PAX8: variants seen among roughly 807,000 people sequenced by gnomAD.
PAX8 encodes the protein paired box 8.
Under a neutral mutation model 52.4 loss-of-function variants are expected in PAX8, and 15 were observed. That is an observed-to-expected ratio of 0.29 (90% CI 0.19 to 0.44). PAX8 has a LOEUF of 0.44. PAX8 is among the 20% of genes least tolerant of loss of function. The pLI is 1.00. For missense variants in PAX8, 554 were observed against 602.5 expected (o/e 0.92, Z 0.84); for synonymous variants, 284 against 249.7 (o/e 1.14, Z -1.29).
chr2:113,246,828 G>T lies in PAX8; in HGVS notation c.117C>A (p.His39Gln), dbSNP rs745371541. The T allele has an allele frequency of 9.9e-6, 16 of 1,614,114 alleles. No individual in the cohort carries two copies. The African/African-American group carries it at 1.6e-4, about 16-fold the overall frequency. Residue 39 changes from histidine (H) to glutamine (Q), a missense_variant, in exon 3 of 12, where the codon CAC becomes CAA. His to Gln is a conservative substitution (Grantham distance 24). Coordinates refer to ENST00000429538, the MANE Select transcript of PAX8 (RefSeq NM_003466.4). ...VVRQRIVDLAHQGVRPCDISR... is the reference protein window; with the variant it reads ...VVRQRIVDLAQQGVRPCDISR... The stretch of plus-strand genomic sequence containing the variant: ...AGATGTCGCAGGGCCTTACACCCTG[G>T]TGGGCCAGGTCTACGATGCGCTGGC...
intron 7 of PAX8, chr2:113,238,938 T>G (rs1457010122): frequency 6.6e-6 from 1 of 152,202 alleles, no homozygotes; most frequent in Non-Finnish European, 1.5e-5. Context: ...GATATTCATA[T>G]TCTGTTGATT....
intron 2 of PAX8, chr2:113,274,949 C>T (rs768766580): frequency 2.0e-5 from 3 of 152,102 alleles, no homozygotes; most frequent in Non-Finnish European, 2.9e-5. Context: ...ATAAATAGAA[C>T]GTTTTGACAT....
chr2:113,236,610 C>A lies in PAX8; in HGVS notation c.889G>T (p.Val297Leu), dbSNP rs773303476. The change falls in exon 8 of 12, where the codon GTG (valine) becomes TTG (leucine). Residue 297 changes from valine (V) to leucine (L), a missense_variant. By Grantham distance (32) the Val-to-Leu change is conservative. Coordinates refer to ENST00000429538, the MANE Select transcript of PAX8 (RefSeq NM_003466.4). ...RNLSTHQTYP[V>L]VADPHSPFAI... ...GCTCCGGGCGTTGTACCTGCCACCA[C>A]GGGGTAGGTCTGGTGAGTCGAGAGG... The A allele has an allele frequency of 4.4e-6, 7 of 1,581,540 alleles. No homozygotes were observed. In the Admixed American group the frequency reaches 1.1e-4, roughly 25 times the overall value.
rs1028631852 is a variant in PAX8, at chr2:113,217,699, C to T, written c.*834G>A. 12 of 232,028 alleles carry T rather than the reference C, an allele frequency of 5.2e-5. No homozygotes were observed. The highest frequency in any genetic ancestry group is 9.4e-5 in the Non-Finnish European group (11 of 117,408). 14.4% of individuals were successfully genotyped at this position (232,028 alleles called of 1,614,324 possible). A position where few individuals can be genotyped will look rare whatever the true frequency, so the allele number is the denominator to read the frequency against. ...TCAGGAAGGGGAAGCGGGTTTCCTGCGATTCTGCCTTGTTCTGCCCTGGGT... is the reference window on the plus strand; with the variant it reads ...TCAGGAAGGGGAAGCGGGTTTCCTGTGATTCTGCCTTGTTCTGCCCTGGGT... On this transcript the variant is annotated 3_prime_UTR_variant, in exon 12 of 12. Coordinates refer to ENST00000429538, the MANE Select transcript of PAX8 (RefSeq NM_003466.4).
intron 9 of PAX8, among the ~76,000 whole-genome samples, chr2:113,228,498 G>A (rs553945386): frequency 5.3e-5 from 8 of 152,338 alleles, no homozygotes; most frequent in Admixed American, 5.2e-4. Context: ...ATTGTAGGAT[G>A]TTTAGCAGCA....
intron 2 of PAX8, among the ~76,000 whole-genome samples, chr2:113,252,162 T>G (rs1255293059): frequency 6.6e-6 from 1 of 152,254 alleles, no homozygotes; most frequent in Non-Finnish European, 1.5e-5. Context: ...TGGGGCTTTT[T>G]GCTTTAGTCC....
chr2:113,243,541 G>A (rs562786968), intron 4 of PAX8, among the ~76,000 whole-genome samples: 2 of 152,186 alleles, frequency 1.3e-5, no homozygotes, highest in South Asian at 2.1e-4. Context: ...ACAGGCACTC[G>A]CCACCACACC....
intron 3 of PAX8, among the ~76,000 whole-genome samples, chr2:113,245,852 G>T (rs1691276822): frequency 6.6e-6 from 1 of 152,174 alleles, no homozygotes; most frequent in Non-Finnish European, 1.5e-5. Flanking sequence ...AACTACTTCA[G>T]GAGGGGAGCC....
chr2:113,232,012 G>C (rs902186880), intron 9 of PAX8, among the ~76,000 whole-genome samples: 1 of 152,220 alleles, frequency 6.6e-6, no homozygotes, highest in African/African-American at 2.4e-5. Context: ...ACAGGTGTGA[G>C]CCATTGGGCC....
At chr2:113,259,968 G>A (rs529787375) in intron 2 of PAX8, among the ~76,000 whole-genome samples, 6 of 152,328 alleles carry the variant, frequency 3.9e-5, no homozygotes, top group African/African-American at 1.4e-4. Context: ...GATGCTTAGC[G>A]ACTGTACAAG....
intron 2 of PAX8, among the ~76,000 whole-genome samples, chr2:113,249,051 C>T (rs1048096041): frequency 6.6e-6 from 1 of 152,246 alleles, no homozygotes; most frequent in African/African-American, 2.4e-5. Context: ...TGGCCAAACA[C>T]CCAGCAAGAA....
chr2:113,230,188 T>G (rs1438532175), intron 9 of PAX8, among the ~76,000 whole-genome samples: 1 of 152,206 alleles, frequency 6.6e-6, no homozygotes, highest in Non-Finnish European at 1.5e-5. Flanking sequence ...TGGTCTTGAC[T>G]CTCAGGTCAC....
At chr2:113,257,112 C>A (rs1244022392) in intron 2 of PAX8, among the ~76,000 whole-genome samples, 1 of 152,200 alleles carries the variant, frequency 6.6e-6, no homozygotes, top group Non-Finnish European at 1.5e-5. Context: ...TATTTATTAG[C>A]AAATGGCAAA....
chr2:113,221,705 T>A (rs944684166), intron 10 of PAX8, among the ~76,000 whole-genome samples: 17 of 152,298 alleles, frequency 1.1e-4, no homozygotes, highest in African/African-American at 4.1e-4. Context: ...AAATCAGTCA[T>A]CCAACCAGTC....
chr2:113,274,694 A>C (rs570230453), intron 2 of PAX8: 1 of 152,208 alleles, frequency 6.6e-6, no homozygotes, highest in Admixed American at 6.5e-5. Flanking sequence ...TTTATACCCA[A>C]CTCCATCAAT....
chr2:113,277,812 C>T (rs767319480), intron 2 of PAX8, among the ~76,000 whole-genome samples: 1 of 152,172 alleles, frequency 6.6e-6, no homozygotes, highest in Non-Finnish European at 1.5e-5. Flanking sequence ...CGCGCGGCGC[C>T]CGGCCTGCCC....
intron 9 of PAX8, chr2:113,230,556 G>C (rs993241064): frequency 2.0e-5 from 3 of 152,158 alleles, no homozygotes; most frequent in Non-Finnish European, 4.4e-5. Context: ...CTTCTGAATC[G>C]GACATCAGAA....
rs978421736 is a variant in PAX8 at position 113,278,890 on chromosome 2, C to A, written c.-135G>T. 2 of 1,053,044 alleles carry A rather than the reference C, an allele frequency of 1.9e-6. No individual in the cohort carries two copies. Among genetic ancestry groups the A allele is most frequent in the Non-Finnish European group, 2.3e-6 (2 of 870,632 alleles). 65.2% of individuals were successfully genotyped at this position (1,053,044 alleles called of 1,614,324 possible). A position where few individuals can be genotyped will look rare whatever the true frequency, so the allele number is the denominator to read the frequency against. On this transcript the variant is annotated 5_prime_UTR_variant, in exon 1 of 12. Coordinates refer to ENST00000429538, the MANE Select transcript of PAX8 (RefSeq NM_003466.4). ...TCCGCCCGCGAGGGTGCCCTGGGCC[C>A]GGTGTCTCTCCTCCTTCTGAAGTTT...
intron 9 of PAX8, 110 bp from the exon 10 acceptor site, chr2:113,227,366 C>A: frequency 3.3e-6 from 3 of 904,904 alleles, no homozygotes; most frequent in South Asian, 3.1e-5. Context: ...CTCTCTACAG[C>A]CATTCTCCAA....
Sources: gnomAD v4.1 joint callset for allele counts (sites outside exome capture counted in the v4.1 genomes callset) on GRCh38, gnomAD v4.1.1 for gene constraint, MANE v1.5 for transcripts, NCBI Gene and HGNC (gene_info 2026-07-23, HGNC 2026-07-21) for gene names.